Variants in UCHL5 observed in about 807,000 individuals in gnomAD.
UCHL5 encodes ubiquitin C-terminal hydrolase L5.
In UCHL5, 34 loss-of-function variants were observed where a neutral mutation model predicts 53.8. The observed-to-expected ratio is 0.63, with a 90% CI of 0.48 to 0.84. The LOEUF (loss-of-function observed/expected upper bound fraction) is 0.84. UCHL5 is among the 40% of genes least tolerant of loss of function. The probability of loss-of-function intolerance (pLI) is 0.00; values close to 1 mark genes in which losing one functional copy is unlikely to be tolerated. For synonymous variants in UCHL5, 111 were observed against 126.3 expected, an observed-to-expected ratio of 0.88 and a Z score of 0.81; for missense variants, 290 against 385.6, an observed-to-expected ratio of 0.75 and a Z score of 2.08.
At chr1:193,018,667 T>C (rs1330685478) in intron 10 of UCHL5, 5 of 1,276,188 alleles carry the variant, frequency 3.9e-6, no homozygotes, top group Middle Eastern at 2.0e-4. Flanking sequence ...CAAATACTTT[T>C]ATGTCATCAC....
chr1:193,027,134 T>C lies in UCHL5; in HGVS notation c.629+951A>G, dbSNP rs149376279. Among the ~76,000 whole-genome samples, 341 of 152,288 alleles carry C rather than the reference T, an allele frequency of 2.2e-3. 1 individual carries two copies. The highest frequency in any genetic ancestry group is 4.1e-3 in the Non-Finnish European group (276 of 68,020). ...CTAAAAAGAACAATACAAGGGATCT[T>C]TGTGGAGAGCAAATTTTGCTGTATC... On this transcript the variant is annotated intron_variant, in intron 7 of 10. Coordinates refer to ENST00000367454, the MANE Select transcript of UCHL5 (RefSeq NM_001199261.3).
At chr1:193,019,251 A>G (rs1656009801) in intron 10 of UCHL5, among the ~76,000 whole-genome samples, 1 of 151,614 alleles carries the variant, frequency 6.6e-6, no homozygotes, top group Non-Finnish European at 1.5e-5. Context: ...ACTATTTAGC[A>G]CAATACCATA....
chr1:193,021,285 A>C lies in UCHL5; in HGVS notation c.844-90T>G. 4 of 746,832 alleles carry C rather than the reference A, an allele frequency of 5.4e-6. No individual in the cohort carries two copies. In the South Asian group the frequency reaches 6.9e-5, roughly 13 times the overall value. 46.3% of individuals were successfully genotyped at this position (746,832 alleles called of 1,614,324 possible). On this transcript the variant is annotated intron_variant, in intron 9 of 10. Transcript: ENST00000367454. The stretch of plus-strand genomic sequence containing the variant: ...ATCCAACTCAAAATAGAAATGGTAT[A>C]TCCATTCTCATAAGAAAATGATTTT...
At chr1:193,033,171 T>C (rs1315940565) in intron 3 of UCHL5, among the ~76,000 whole-genome samples, 1 of 152,136 alleles carries the variant, frequency 6.6e-6, no homozygotes, top group Non-Finnish European at 1.5e-5. Context: ...ATGTGGCACA[T>C]ATACACCATG....
At chr1:193,051,909 A>G (rs1669172312) in intron 1 of UCHL5, 92 bp from the exon 2 acceptor site, 3 of 898,162 alleles carry the variant, frequency 3.3e-6, no homozygotes, top group Middle Eastern at 2.3e-4. Context: ...AATGCAACAC[A>G]TGACAAAACA....
At chr1:193,021,074 G>A in intron 10 of UCHL5, 23 bp downstream of exon 10, 1 of 1,501,658 alleles carries the variant, frequency 6.7e-7, no homozygotes, top group Non-Finnish European at 9.2e-7. Flanking sequence ...CTTAATTTAA[G>A]TATCTACCAA....
chr1:193,050,822 A>C (rs1369831140), intron 2 of UCHL5, among the ~76,000 whole-genome samples: 4 of 151,910 alleles, frequency 2.6e-5, no homozygotes, highest in Non-Finnish European at 4.4e-5. Context: ...GGGTCTCACT[A>C]TGTTGCCTGG....
At chr1:193,039,725 C>T (rs1313832504) in intron 3 of UCHL5, among the ~76,000 whole-genome samples, 1 of 152,148 alleles carries the variant, frequency 6.6e-6, no homozygotes, top group African/African-American at 2.4e-5. Flanking sequence ...CTGGAAGAAT[C>T]ACATTATCTG....
upstream of UCHL5, chr1:193,059,591 G>A (rs574981667): frequency 4.1e-4 from 608 of 1,468,444 alleles, 6 homozygotes; most frequent in South Asian, 5.4e-3. The surrounding 1 kb of genome is among the most constrained non-coding windows in gnomAD (Gnocchi z 4.9). Context: ...GGCGGAGGCG[G>A]GGCAAAAGAA....
chr1:193,043,492 T>A lies in UCHL5; in HGVS notation c.246+6254A>T, dbSNP rs114123951. Among the ~76,000 whole-genome samples, 1,523 of 152,320 alleles carry A rather than the reference T, an allele frequency of 1.0e-2. 28 individuals carry two copies. Among genetic ancestry groups the A allele is most frequent in the African/African-American group, 0.034 (1,426 of 41,562 alleles). Reference sequence around the variant, plus strand: ...CAAGGTGAAGTCCCACTTTTATGACTATAGTAAAGAAATTAACCTTGCCCA... The same window carrying A: ...CAAGGTGAAGTCCCACTTTTATGACAATAGTAAAGAAATTAACCTTGCCCA... On this transcript the variant is annotated intron_variant, in intron 3 of 10. Coordinates refer to ENST00000367454, the MANE Select transcript of UCHL5 (RefSeq NM_001199261.3).
chr1:193,039,539 G>A (rs949483025), intron 3 of UCHL5, among the ~76,000 whole-genome samples: 2 of 152,142 alleles, frequency 1.3e-5, no homozygotes, highest in Admixed American at 6.5e-5. Flanking sequence ...TCATGAACTG[G>A]AAGAATTAAT....
intron 3 of UCHL5, among the ~76,000 whole-genome samples, chr1:193,043,987 C>CT: frequency 6.6e-6 from 1 of 152,124 alleles, no homozygotes; most frequent in African/African-American, 2.4e-5. Context: ...TCAGTAACGT[C>CT]TATGAGTCTT....
intron 1 of UCHL5, among the ~76,000 whole-genome samples, chr1:193,053,741 C>T (rs1314015143): frequency 6.6e-6 from 1 of 152,102 alleles, no homozygotes; most frequent in East Asian, 1.9e-4. Context: ...TTAATACAGA[C>T]TCCCCAATAA....
chr1:193,053,481 T>C (rs757002767), intron 1 of UCHL5, among the ~76,000 whole-genome samples: 8 of 152,244 alleles, frequency 5.3e-5, no homozygotes, highest in Admixed American at 3.3e-4. Context: ...ATTTAGCATC[T>C]ATCTCCTTAC....
rs897775252 is a variant in UCHL5 at position 193,027,485 on chromosome 1, G to A, written c.629+600C>T. 4.6e-5 allele frequency among the ~76,000 whole-genome samples: 7 copies of A among 152,182 alleles called. No homozygotes were observed. The East Asian group carries it at 1.2e-3, about 25-fold the overall frequency. On this transcript the variant is annotated intron_variant, in intron 7 of 10. Transcript: ENST00000367454. ...AGATCACTTGAGGTCAGGAGTTTGA[G>A]ACAAGCCTGGAGAACATGGTGAAAC...
Position 193,012,919 on chromosome 1 carries a change from T to G in UCHL5, c.*3432A>C, listed in dbSNP as rs1177539387. 6.6e-6 allele frequency: 1 copy of G among 152,162 alleles called. No individual in the cohort carries two copies. Among genetic ancestry groups the G allele is most frequent in the Non-Finnish European group, 1.5e-5 (1 of 68,034 alleles). The allele number at this position is 152,162 out of a possible 1,614,324, so 9.4% of individuals were successfully genotyped here. A position where few individuals can be genotyped will look rare whatever the true frequency, so the allele number is the denominator to read the frequency against. On this transcript the variant is annotated 3_prime_UTR_variant, in exon 11 of 11. Coordinates refer to ENST00000367454, the MANE Select transcript of UCHL5 (RefSeq NM_001199261.3). ...TAAAAAGTGCCCAGTATGCTAGAAG[T>G]GGTGAATCTTTACCATGTCAGTCAT...
chr1:193,026,286 A>C (rs893897933), intron 7 of UCHL5, among the ~76,000 whole-genome samples: 1 of 152,120 alleles, frequency 6.6e-6, no homozygotes, highest in African/African-American at 2.4e-5. Context: ...ATAGTGTCAA[A>C]TATTGATAAA....
chr1:193,016,247 A>T lies in UCHL5; in HGVS notation c.*104T>A. The T allele has an allele frequency of 7.5e-7, 1 of 1,337,388 alleles. No individual in the cohort carries two copies. Among genetic ancestry groups the T allele is most frequent in the South Asian group, 1.3e-5 (1 of 76,568 alleles). The allele number at this position is 1,337,388 out of a possible 1,614,324, so 82.8% of individuals were successfully genotyped here. ...CAAGACAGGCTGGCACTATTGCCAA[A>T]CGTGCACTGAGCCAATTAGGATGTT... On this transcript the variant is annotated 3_prime_UTR_variant, in exon 11 of 11. Transcript: ENST00000367454.
At position 193,059,311 on chromosome 1, in the gene UCHL5, C is replaced by T. The variant is rs775120907; in HGVS notation, c.-51G>A. The T allele has an allele frequency of 9.9e-6, 16 of 1,609,256 alleles. No homozygotes were observed. Among genetic ancestry groups the T allele is most frequent in the Non-Finnish European group, 1.2e-5 (14 of 1,177,936 alleles). ...CCACCTCTCGCTCTCAGCTGCCCCC[C>T]GCACCAGCTGCCGCCGGCCACAGAT... On this transcript the variant is annotated 5_prime_UTR_variant, in exon 1 of 11. Transcript: ENST00000367454. The surrounding 1 kb of genome is among the most constrained non-coding windows in gnomAD (Gnocchi z 4.9).
Sources: allele counts gnomAD v4.1 joint callset (sites outside exome capture counted in the v4.1 genomes callset), GRCh38; gene constraint gnomAD v4.1.1; non-coding constraint Gnocchi (gnomAD v3.1); transcripts MANE v1.5; gene names NCBI Gene and HGNC (gene_info 2026-07-23, HGNC 2026-07-21).